Variants in ADGRF3 observed in about 807,000 individuals in gnomAD.
The protein encoded by ADGRF3 is adhesion G protein-coupled receptor F3, also known as G protein-coupled receptor 113.
In ADGRF3, 85 loss-of-function variants were observed where a neutral mutation model predicts 93.2. That is an observed-to-expected ratio of 0.91 (90% confidence interval 0.77 to 1.09). The LOEUF (loss-of-function observed/expected upper bound fraction) is 1.09. Among genes scored for constraint, ADGRF3 ranks in the 50% least tolerant of loss-of-function variants. ADGRF3 has a pLI of 0.00. For synonymous variants in ADGRF3, 534 were observed against 532.5 expected, an observed-to-expected ratio of 1.00 and a Z score of -0.04; for missense variants, 1,125 against 1,246.2, an observed-to-expected ratio of 0.90 and a Z score of 1.46.
At chr2:26,331,696 T>G (rs1218999648) in intron 1 of ADGRF3, among the ~76,000 whole-genome samples, 2 of 152,168 alleles carry the variant, frequency 1.3e-5, no homozygotes, top group Non-Finnish European at 2.9e-5. Flanking sequence ...TGCGCTGTAC[T>G]GCTGCCTGGG....
intron 9 of ADGRF3, among the ~76,000 whole-genome samples, 154 bp from the exon 10 acceptor site, chr2:26,312,228 G>A (rs561803224): frequency 6.6e-6 from 1 of 152,004 alleles, no homozygotes; most frequent in Non-Finnish European, 1.5e-5. Flanking sequence ...GGCCTGTGAA[G>A]GGAGACTTTC....
At chr2:26,342,825 C>G (rs1321385610) in intron 1 of ADGRF3, among the ~76,000 whole-genome samples, 1 of 152,156 alleles carries the variant, frequency 6.6e-6, no homozygotes, top group African/African-American at 2.4e-5. Context: ...AATTTGGGAA[C>G]GAGGAAACAG....
At chr2:26,314,334 T>G in intron 6 of ADGRF3, 80 bp downstream of exon 6, 12 of 1,337,674 alleles carry the variant, frequency 9.0e-6, no homozygotes, top group South Asian at 1.4e-5. Context: ...CTGTTTCTCA[T>G]GAGCTGAAGA....
In ADGRF3 at chr2:26,310,822, A is replaced by T; in HGVS notation, c.2702T>A (p.Leu901Gln). The stretch of plus-strand genomic sequence containing the variant: ...AATGAGCAGGGCTTTGATCACCCCC[A>T]GCAGAGCTTGGCGCTTCTCTGCTGG... ...GPPAEKRQAL[L>Q]GVIKALLILT... The change falls in exon 10 of 14, where the codon CTG becomes CAG. Residue 901 changes from leucine (L) to glutamine (Q), a missense_variant. Leu to Gln is a moderately radical substitution (Grantham distance 113, BLOSUM62 -2). Transcript: ENST00000651242. The T allele has an allele frequency of 1.2e-6, 2 of 1,613,694 alleles. No homozygotes were observed. Among genetic ancestry groups the T allele is most frequent in the South Asian group, 2.2e-5 (2 of 91,042 alleles).
intron 1 of ADGRF3, among the ~76,000 whole-genome samples, chr2:26,328,493 G>T (rs1408347596): frequency 3.4e-5 from 4 of 116,742 alleles, no homozygotes; most frequent in Admixed American, 1.1e-4. Context: ...TCGCTCTATT[G>T]CCTAGGCTGG....
chr2:26,313,255 A>T, intron 8 of ADGRF3, 122 bp downstream of exon 8: 1 of 1,422,880 alleles, frequency 7.0e-7, no homozygotes. Flanking sequence ...CTAGGGCTCC[A>T]CTTCAGAGAA....
chr2:26,340,817 T>C (rs1676347689), intron 1 of ADGRF3, among the ~76,000 whole-genome samples: 1 of 152,182 alleles, frequency 6.6e-6, no homozygotes, highest in Non-Finnish European at 1.5e-5. Flanking sequence ...TTGCCCAGTG[T>C]AAAACTTTGC....
At chr2:26,340,662 C>T (rs949184892) in intron 1 of ADGRF3, 1 of 152,212 alleles carries the variant, frequency 6.6e-6, no homozygotes, top group Admixed American at 6.5e-5. Flanking sequence ...TTTGTTCTCT[C>T]TTTACCTACA....
intron 1 of ADGRF3, among the ~76,000 whole-genome samples, chr2:26,328,674 G>A (rs560760553): frequency 7.2e-5 from 11 of 152,096 alleles, no homozygotes; most frequent in Non-Finnish European, 1.2e-4. Context: ...AGATGGTCTC[G>A]ATTTCCTGAC....
chr2:26,323,828 C>T (rs950149445), intron 1 of ADGRF3, among the ~76,000 whole-genome samples: 5 of 151,980 alleles, frequency 3.3e-5, no homozygotes, highest in Admixed American at 6.5e-5. Flanking sequence ...GGGATTTCAC[C>T]GTGTTGGCCA....
chr2:26,334,691 T>C (rs1414324209), intron 1 of ADGRF3, among the ~76,000 whole-genome samples: 1 of 152,200 alleles, frequency 6.6e-6, no homozygotes, highest in Non-Finnish European at 1.5e-5. Context: ...TAACAAGCAT[T>C]CTATTAACGC....
chr2:26,330,473 G>A (rs1055720857), intron 1 of ADGRF3, among the ~76,000 whole-genome samples: 10 of 152,142 alleles, frequency 6.6e-5, no homozygotes, highest in African/African-American at 2.4e-4. Flanking sequence ...ACTGTTCACA[G>A]GTGGGGCCTT....
rs1421569965 is a variant in ADGRF3 at position 26,311,042 on chromosome 2, C to G, written c.2482G>C (p.Gly828Arg). ...AGCCCCAGGGTGACACCTGCCAACC[C>G]CAGTGGGCACAGGTAGCCCAGGAGC... is the stretch of plus-strand genomic sequence containing the variant. ...MVLLGYLCPL[G>R]LAGVTLGLYL... The change falls in exon 10 of 14, where the codon GGG (glycine) becomes CGG (arginine). Residue 828 changes from glycine (G) to arginine (R), a missense_variant. Physicochemically the swap from Gly to Arg is moderately radical, Grantham distance 125. Transcript: ENST00000651242. The G allele has an allele frequency of 6.2e-7, 1 of 1,610,404 alleles. No homozygotes were observed. The highest frequency in any genetic ancestry group is 8.5e-7 in the Non-Finnish European group (1 of 1,178,498).
At chr2:26,345,129 C>T (rs1157189029) in intron 1 of ADGRF3, among the ~76,000 whole-genome samples, 1 of 152,094 alleles carries the variant, frequency 6.6e-6, no homozygotes, top group African/African-American at 2.4e-5. Context: ...TGACTCTGGG[C>T]AGGCTGCCTA....
chr2:26,324,016 T>C (rs867888526), intron 1 of ADGRF3, among the ~76,000 whole-genome samples: 4 of 151,814 alleles, frequency 2.6e-5, no homozygotes, highest in Non-Finnish European at 4.4e-5. Context: ...CCGAGGCGGG[T>C]GGATTGCTTA....
At chr2:26,309,424 AG>A (rs1385689632) in intron 13 of ADGRF3, 101 bp downstream of exon 13, 17 of 1,549,236 alleles carry the variant, frequency 1.1e-5, no homozygotes, top group Middle Eastern at 4.4e-4. Context: ...GGCTGGGTAT[AG>A]AAAGAGGAGG....
intron 1 of ADGRF3, among the ~76,000 whole-genome samples, chr2:26,333,737 T>C (rs1675887782): frequency 6.6e-6 from 1 of 152,160 alleles, no homozygotes. Context: ...ACCTAGGTTT[T>C]CTAACACAAA....
At chr2:26,320,356 C>T (rs567737371) in intron 1 of ADGRF3, among the ~76,000 whole-genome samples, 4 of 152,232 alleles carry the variant, frequency 2.6e-5, no homozygotes, top group African/African-American at 7.2e-5. Flanking sequence ...ATTAGCCAGG[C>T]GTGGTGGCGC....
chr2:26,319,643 T>G (rs541300719), intron 1 of ADGRF3, among the ~76,000 whole-genome samples: 20 of 147,658 alleles, frequency 1.4e-4, no homozygotes, highest in Non-Finnish European at 2.5e-4. Context: ...TTCTTTCTCT[T>G]TCCTCACTCT....
Sources: gnomAD v4.1 joint callset for allele counts (sites outside exome capture counted in the v4.1 genomes callset) on GRCh38, gnomAD v4.1.1 for gene constraint, MANE v1.5 for transcripts, NCBI Gene and HGNC (gene_info 2026-07-23, HGNC 2026-07-21) for gene names.